The following NGEF variants were observed in gnomAD, a reference collection of about 807,000 sequenced individuals.
The protein encoded by NGEF is ephexin-1.
NGEF carries 31 observed loss-of-function variants against 80.9 expected under a neutral mutation model. The observed-to-expected ratio is 0.38, with a 90% confidence interval of 0.29 to 0.52. The LOEUF is 0.52. NGEF is among the 20% of genes least tolerant of loss of function. NGEF has a pLI of 0.84. For missense variants in NGEF, 709 were observed against 926.2 expected (o/e 0.77, Z 3.04); for synonymous variants, 371 against 370.2 (o/e 1.00, Z -0.03).
intron 1 of NGEF, among the ~76,000 whole-genome samples, chr2:232,996,839 G>A (rs193191127): frequency 3.2e-4 from 49 of 152,204 alleles, no homozygotes; most frequent in Admixed American, 3.0e-3. Context: ...TAAAATTTTA[G>A]CAGGATACAT....
At chr2:233,002,055 G>A (rs1197972799) in intron 1 of NGEF, among the ~76,000 whole-genome samples, 1 of 152,028 alleles carries the variant, frequency 6.6e-6, no homozygotes, top group Non-Finnish European at 1.5e-5. Flanking sequence ...TAATGGCAGG[G>A]ACATTGGGGG....
chr2:232,914,306 T>C (rs2106269598), intron 5 of NGEF, among the ~76,000 whole-genome samples: 1 of 152,398 alleles, frequency 6.6e-6, no homozygotes, highest in African/African-American at 2.4e-5. Flanking sequence ...AACTGATGTT[T>C]GTTTAAACCA....
At chr2:232,929,982 C>G (rs1484791529) in intron 3 of NGEF, among the ~76,000 whole-genome samples, 1 of 152,192 alleles carries the variant, frequency 6.6e-6, no homozygotes, top group Non-Finnish European at 1.5e-5. Context: ...CTCATTCTCT[C>G]TCTTGCCTGC....
intron 1 of NGEF, among the ~76,000 whole-genome samples, chr2:233,002,060 T>TG (rs1694990395): frequency 6.6e-6 from 1 of 151,914 alleles, no homozygotes; most frequent in Non-Finnish European, 1.5e-5. Flanking sequence ...GCAGGGACAT[T>TG]GGGGGCTGTG....
intron 3 of NGEF, among the ~76,000 whole-genome samples, chr2:232,954,858 G>T (rs1221388914): frequency 6.6e-6 from 1 of 152,094 alleles, no homozygotes; most frequent in Non-Finnish European, 1.5e-5. Context: ...AAACTATCCA[G>T]GCACCAGTGT....
At chr2:232,969,487 T>TCCTTCCTTCCTTCCTTCCTTCCTC (rs1559229015) in intron 3 of NGEF, among the ~76,000 whole-genome samples, 4 of 112,392 alleles carry the variant, frequency 3.6e-5, no homozygotes, top group Non-Finnish European at 5.4e-5. Context: ...CTTCCTTCCT[T>TCCTTCCTTCCTTCCTTCCTTCCTC]CCTCCCTCCC....
intron 3 of NGEF, among the ~76,000 whole-genome samples, chr2:232,946,590 C>A (rs1469987814): frequency 6.6e-6 from 1 of 152,176 alleles, no homozygotes; most frequent in Admixed American, 6.5e-5. Flanking sequence ...GAAGCAGTGA[C>A]CTACCAGTAG....
intron 5 of NGEF, among the ~76,000 whole-genome samples, chr2:232,912,390 T>C (rs1205143847): frequency 6.6e-6 from 1 of 152,230 alleles, no homozygotes; most frequent in Non-Finnish European, 1.5e-5. Flanking sequence ...TTGCTCTTTT[T>C]ATACATTGCT....
chr2:232,977,115 A>T (rs1028438996), intron 1 of NGEF, among the ~76,000 whole-genome samples: 2 of 152,030 alleles, frequency 1.3e-5, no homozygotes, highest in Admixed American at 6.6e-5. Context: ...CACTGAGGGG[A>T]TGAGGTTGCA....
At chr2:232,956,357 G>T (rs1423749640) in intron 3 of NGEF, among the ~76,000 whole-genome samples, 3 of 152,142 alleles carry the variant, frequency 2.0e-5, no homozygotes, top group Non-Finnish European at 4.4e-5. Context: ...CTTACATTAA[G>T]AATTCAAAAG....
At chr2:232,953,524 A>G (rs1166411499) in intron 3 of NGEF, among the ~76,000 whole-genome samples, 1 of 151,332 alleles carries the variant, frequency 6.6e-6, no homozygotes, top group African/African-American at 2.4e-5. Flanking sequence ...AAAAAAGAAA[A>G]AGTTTAACAT....
chr2:232,986,347 AC>A (rs1694531709), intron 1 of NGEF, among the ~76,000 whole-genome samples: 1 of 152,186 alleles, frequency 6.6e-6, no homozygotes, highest in Non-Finnish European at 1.5e-5. Context: ...TGACCCAGCA[AC>A]CCCACTTCTG....
Position 232,883,977 on chromosome 2 carries a change from T to C in NGEF, c.1601+4A>G. ...AGCGCCTGATGCCCTGGGCCCCGAC[T>C]CACCCTGGAATCTGCCGGCAGATCA... On this transcript the variant is annotated splice_donor_region_variant and intron_variant, in intron 11 of 14. Coordinates refer to ENST00000264051, the MANE Select transcript of NGEF (RefSeq NM_019850.3). 3 of 1,601,388 alleles carry C rather than the reference T, an allele frequency of 1.9e-6. No homozygotes were observed. The highest frequency in any genetic ancestry group is 1.7e-6 in the Non-Finnish European group (2 of 1,174,416).
At chr2:232,985,387 C>T (rs1293261458) in intron 1 of NGEF, among the ~76,000 whole-genome samples, 6 of 152,122 alleles carry the variant, frequency 3.9e-5, no homozygotes, top group Non-Finnish European at 7.4e-5. Flanking sequence ...GAGGCCGAGG[C>T]GGGCAGATCA....
intron 5 of NGEF, among the ~76,000 whole-genome samples, chr2:232,913,973 C>T (rs1408379380): frequency 6.6e-6 from 1 of 152,014 alleles, no homozygotes; most frequent in Non-Finnish European, 1.5e-5. Context: ...CCCTAATTTT[C>T]AGATTTGGTT....
At chr2:232,900,021 C>T (rs547806399) in intron 5 of NGEF, among the ~76,000 whole-genome samples, 2 of 141,568 alleles carry the variant, frequency 1.4e-5, no homozygotes, top group South Asian at 2.4e-4. Flanking sequence ...CTCATATACA[C>T]GTTCACTCAC....
chr2:232,999,628 A>G (rs1229779171), intron 1 of NGEF, among the ~76,000 whole-genome samples: 1 of 152,234 alleles, frequency 6.6e-6, no homozygotes, highest in East Asian at 1.9e-4. Context: ...ACCTTCTAGG[A>G]TGAGTGGCTC....
At chr2:232,896,827 A>G (rs1237857081) in intron 5 of NGEF, among the ~76,000 whole-genome samples, 7 of 24,352 alleles carry the variant, frequency 2.9e-4, no homozygotes, top group African/African-American at 3.6e-4. Flanking sequence ...GGTAAGGGTG[A>G]GGGTAGGGTT....
intron 5 of NGEF, among the ~76,000 whole-genome samples, chr2:232,918,651 T>TC (rs1692864750): frequency 6.6e-6 from 1 of 151,058 alleles, no homozygotes; most frequent in Non-Finnish European, 1.5e-5. Context: ...TTTTTTTTTT[T>TC]TTAGACGGAG....
Sources: gnomAD v4.1 joint callset for allele counts (sites outside exome capture counted in the v4.1 genomes callset) on GRCh38, gnomAD v4.1.1 for gene constraint, MANE v1.5 for transcripts, NCBI Gene and HGNC (gene_info 2026-07-23, HGNC 2026-07-21) for gene names.